Variants in GPC5 observed in about 807,000 individuals in gnomAD.
GPC5 encodes the protein glypican-5.
Under a neutral mutation model 53.9 loss-of-function variants are expected in GPC5, and 47 were observed. That is an observed-to-expected ratio of 0.87 (90% CI 0.69 to 1.11). GPC5 has a LOEUF of 1.11. Among genes scored for constraint, GPC5 ranks in the 50% most tolerant of loss-of-function variants. The probability of loss-of-function intolerance (pLI) is 0.00; values close to 1 mark genes in which losing one functional copy is unlikely to be tolerated. For missense variants in GPC5, 748 were observed against 713.1 expected (o/e 1.05, Z -0.56); for synonymous variants, 286 against 263.3 (o/e 1.09, Z -0.84).
intron 7 of GPC5, among the ~76,000 whole-genome samples, chr13:92,201,387 T>C (rs2042294340): frequency 1.3e-5 from 2 of 152,184 alleles, no homozygotes; most frequent in Admixed American, 1.3e-4. Context: ...TTGATGTGCA[T>C]GGTTGATACT....
chr13:91,977,107 A>C (rs1194644972), intron 6 of GPC5, among the ~76,000 whole-genome samples: 1 of 152,004 alleles, frequency 6.6e-6, no homozygotes, highest in Non-Finnish European at 1.5e-5. Flanking sequence ...GTCAATTTTT[A>C]TGTTTATCCA....
At chr13:92,058,197 T>C (rs751808705) in intron 6 of GPC5, among the ~76,000 whole-genome samples, 1 of 152,164 alleles carries the variant, frequency 6.6e-6, no homozygotes, top group South Asian at 2.1e-4. Context: ...ATATTTTTAA[T>C]TTTTATTTTT....
chr13:91,604,135 A>T (rs558764451), intron 2 of GPC5, among the ~76,000 whole-genome samples: 90 of 141,580 alleles, frequency 6.4e-4, no homozygotes, highest in Non-Finnish European at 1.2e-3. Context: ...CCAGAGTGTG[A>T]TATTCCCCTT....
At chr13:92,551,614 T>G (rs899353040) in intron 7 of GPC5, among the ~76,000 whole-genome samples, 1 of 151,844 alleles carries the variant, frequency 6.6e-6, no homozygotes, top group African/African-American at 2.4e-5. Context: ...TGATTTAGAT[T>G]TGGTGTGGCA....
intron 7 of GPC5, among the ~76,000 whole-genome samples, chr13:92,385,412 A>G (rs1186114090): frequency 3.4e-5 from 1 of 29,476 alleles, no homozygotes; most frequent in East Asian, 1.1e-3. Context: ...ATATATACAC[A>G]TATATATACA....
chr13:91,416,432 A>T (rs1276742112), intron 1 of GPC5, among the ~76,000 whole-genome samples: 2 of 148,762 alleles, frequency 1.3e-5, no homozygotes, highest in Admixed American at 1.3e-4. Context: ...GAGAAGTACT[A>T]TACTTGAGAG....
At chr13:91,654,226 C>T (rs1056632657) in intron 2 of GPC5, among the ~76,000 whole-genome samples, 2 of 152,188 alleles carry the variant, frequency 1.3e-5, no homozygotes, top group Non-Finnish European at 2.9e-5. Flanking sequence ...TAGGGCAACA[C>T]ATGTTCCATG....
chr13:91,806,346 A>T (rs1301573716), intron 5 of GPC5, among the ~76,000 whole-genome samples: 1 of 151,766 alleles, frequency 6.6e-6, no homozygotes, highest in African/African-American at 2.4e-5. Context: ...AATGCAATGA[A>T]TTTTTTATTT....
intron 7 of GPC5, among the ~76,000 whole-genome samples, chr13:92,309,370 T>C (rs2043131387): frequency 6.6e-6 from 1 of 152,106 alleles, no homozygotes; most frequent in African/African-American, 2.4e-5. Flanking sequence ...CATGACTACA[T>C]ATATAGATGT....
chr13:91,749,872 A>G (rs2037132566), intron 4 of GPC5, among the ~76,000 whole-genome samples: 1 of 152,192 alleles, frequency 6.6e-6, no homozygotes, highest in South Asian at 2.1e-4. Flanking sequence ...GTGCAGTGGC[A>G]CAGTCTCAGC....
intron 7 of GPC5, among the ~76,000 whole-genome samples, chr13:92,627,915 AT>A (rs1885098241): frequency 6.6e-6 from 1 of 152,164 alleles, no homozygotes; most frequent in Non-Finnish European, 1.5e-5. Flanking sequence ...AATGGCATAT[AT>A]TTTCTTCCTG....
At position 92,739,446 on chromosome 13, in the gene GPC5, A is replaced by C. The variant is rs957921887; in HGVS notation, c.1562-126836A>C. On this transcript the variant is annotated intron_variant, in intron 7 of 7. Transcript: ENST00000377067. ...ATGTAAAGAAAGGCACAGAATTGTAAACATGCTCTCAGATCATTCAACAAA... is the reference window on the plus strand; with the variant it reads ...ATGTAAAGAAAGGCACAGAATTGTACACATGCTCTCAGATCATTCAACAAA... 2.6e-5 allele frequency among the ~76,000 whole-genome samples: 4 copies of C among 152,210 alleles called. No homozygotes were observed. In the East Asian group the frequency reaches 7.8e-4, roughly 30 times the overall value.
intron 7 of GPC5, among the ~76,000 whole-genome samples, chr13:92,235,342 C>G (rs1250618432): frequency 6.6e-6 from 1 of 152,054 alleles, no homozygotes; most frequent in Non-Finnish European, 1.5e-5. Context: ...AAATAGACTC[C>G]TGATCATTAG....
At chr13:92,341,084 A>C (rs973695454) in intron 7 of GPC5, among the ~76,000 whole-genome samples, 2 of 152,158 alleles carry the variant, frequency 1.3e-5, no homozygotes, top group Non-Finnish European at 2.9e-5. Flanking sequence ...TGATGAAAAT[A>C]ATGATTTTTA....
chr13:92,152,253 A>G (rs2183606), intron 7 of GPC5, among the ~76,000 whole-genome samples: 71,965 of 151,944 alleles, frequency 0.47, 17,334 homozygotes, highest in South Asian at 0.66. Context: ...ATAGTGAACT[A>G]CTTAAGATTA....
At chr13:92,847,359 C>T (rs117653314) in intron 7 of GPC5, among the ~76,000 whole-genome samples, 1,909 of 152,226 alleles carry the variant, frequency 0.013, 30 homozygotes, top group South Asian at 0.058. Flanking sequence ...GGATTTGTGT[C>T]CTCGCCCAAA....
At chr13:92,151,175 G>T (rs2041905161) in intron 7 of GPC5, among the ~76,000 whole-genome samples, 2 of 152,050 alleles carry the variant, frequency 1.3e-5, no homozygotes, top group African/African-American at 4.8e-5. Flanking sequence ...TTATTGAACA[G>T]AAAATTGAGA....
chr13:91,770,515 C>A (rs555236665), intron 5 of GPC5, among the ~76,000 whole-genome samples: 14 of 152,220 alleles, frequency 9.2e-5, no homozygotes, highest in African/African-American at 3.4e-4. Context: ...AAAGATGCTC[C>A]TATCACCCAG....
At chr13:91,992,359 G>A (rs1338754931) in intron 6 of GPC5, among the ~76,000 whole-genome samples, 2 of 151,936 alleles carry the variant, frequency 1.3e-5, no homozygotes, top group Non-Finnish European at 2.9e-5. Context: ...TATTCTACCA[G>A]TAGCCAGTGG....
Sources: gnomAD v4.1 joint callset for allele counts (sites outside exome capture counted in the v4.1 genomes callset) on GRCh38, gnomAD v4.1.1 for gene constraint, MANE v1.5 for transcripts, NCBI Gene and HGNC (gene_info 2026-07-23, HGNC 2026-07-21) for gene names.